MID1: variants seen among roughly 807,000 people sequenced by gnomAD.
MID1 encodes the protein E3 ubiquitin-protein ligase Midline-1.
Under a neutral mutation model 40.4 loss-of-function variants are expected in MID1, and 7 were observed. The ratio of observed to expected loss-of-function variants is 0.17; its 90% CI spans 0.10 to 0.33. The LOEUF (loss-of-function observed/expected upper bound fraction) is 0.33, where lower values mean the gene tolerates loss of function less well. MID1 is among the 10% of genes least tolerant of loss of function. MID1 has a pLI of 1.00. For missense variants in MID1, 367 were observed against 558.5 expected, an observed-to-expected ratio of 0.66 and a Z score of 3.46; for synonymous variants, 229 against 221.2, an observed-to-expected ratio of 1.04 and a Z score of -0.31.
At chrX:10,567,654 G>T in intron 1 of MID1, 51 bp from the exon 2 acceptor site, 2 of 884,194 alleles carry the variant, frequency 2.3e-6, no homozygotes, top group Non-Finnish European at 3.3e-6. Context: ...TCAACCATAG[G>T]GGGGTGTCAG....
chrX:10,814,587 G>C (rs1482531605), intron 1 of MID1, among the ~76,000 whole-genome samples: 1 of 108,830 alleles, frequency 9.2e-6, no homozygotes, highest in Non-Finnish European at 1.9e-5. Flanking sequence ...GTGTGTGTGT[G>C]TGTGTGTGTG....
At chrX:10,594,037 T>C (rs146665282) in intron 1 of MID1, among the ~76,000 whole-genome samples, 2 of 111,376 alleles carry the variant, frequency 1.8e-5, no homozygotes, top group Admixed American at 9.6e-5. Flanking sequence ...ATCAATAATG[T>C]CAGATTTAGC....
At chrX:10,819,357 T>C (rs2044159975) in intron 1 of MID1, among the ~76,000 whole-genome samples, 1 of 112,518 alleles carries the variant, frequency 8.9e-6, no homozygotes, top group Non-Finnish European at 1.9e-5. Flanking sequence ...CATACCCATC[T>C]ATTTGTAACT....
At chrX:10,579,819 A>G (rs979986867) in intron 1 of MID1, among the ~76,000 whole-genome samples, 4 of 108,064 alleles carry the variant, frequency 3.7e-5, no homozygotes, top group African/African-American at 1.4e-4. Context: ...TAAAGGCAAC[A>G]GAAAGAGGAG....
At chrX:10,604,891 C>T (rs1412657873) in intron 1 of MID1, among the ~76,000 whole-genome samples, 1 of 112,636 alleles carries the variant, frequency 8.9e-6, no homozygotes, top group African/African-American at 3.2e-5. Flanking sequence ...GTACAAGTTT[C>T]AAAGACTTAT....
chrX:10,481,541 G>A (rs1930325211), intron 5 of MID1, among the ~76,000 whole-genome samples: 1 of 112,006 alleles, frequency 8.9e-6, no homozygotes, highest in Admixed American at 9.4e-5. Context: ...CCAGGTTCAA[G>A]CAATTCTCCT....
intron 3 of MID1, among the ~76,000 whole-genome samples, chrX:10,497,966 G>C (rs1931345497): frequency 8.9e-6 from 1 of 112,523 alleles, no homozygotes; most frequent in African/African-American, 3.2e-5. Flanking sequence ...AGAAGAGACA[G>C]GGCAAAAATG....
At chrX:10,613,928 C>T (rs868784971) in intron 1 of MID1, among the ~76,000 whole-genome samples, 2 of 107,427 alleles carry the variant, frequency 1.9e-5, no homozygotes, top group Middle Eastern at 4.8e-3. Context: ...TTTCTAATGC[C>T]CTTTCTTCTT....
chrX:10,527,745 C>A (rs932484667), intron 2 of MID1, among the ~76,000 whole-genome samples: 2 of 111,663 alleles, frequency 1.8e-5, no homozygotes, highest in Non-Finnish European at 3.8e-5. Flanking sequence ...GCTTTTTCAC[C>A]TCCTGGGTGG....
chrX:10,594,534 G>A (rs1373758368), intron 1 of MID1, among the ~76,000 whole-genome samples: 3 of 111,511 alleles, frequency 2.7e-5, no homozygotes, highest in African/African-American at 6.5e-5. Context: ...TGTCACCACA[G>A]TGATTTCCAG....
chrX:10,587,824 C>G lies in MID1; in HGVS notation c.-56-20221G>C, dbSNP rs779758341. ...AAGCCAAATACCATTTTACATTTAA[C>G]AATGCTTTCTGTATGATTTTTATAC... is the stretch of plus-strand genomic sequence containing the variant. On this transcript the variant is annotated intron_variant, in intron 1 of 9. Transcript: ENST00000317552. 1.5e-3 allele frequency among the ~76,000 whole-genome samples: 163 copies of G among 110,695 alleles called. 1 individual carries two copies. The highest frequency in any genetic ancestry group is 2.5e-3 in the Non-Finnish European group (132 of 52,975).
chrX:10,607,989 T>C (rs1450389244), intron 1 of MID1, among the ~76,000 whole-genome samples: 2 of 112,630 alleles, frequency 1.8e-5, no homozygotes, highest in African/African-American at 6.5e-5. Context: ...CTGGGAGGTA[T>C]TGAACACACC....
At chrX:10,717,068 C>T (rs372395188) in intron 1 of MID1, among the ~76,000 whole-genome samples, 9 of 111,580 alleles carry the variant, frequency 8.1e-5, no homozygotes, top group Admixed American at 7.6e-4. Context: ...AAGGAAAAAC[C>T]GGTACCAGCC....
At chrX:10,638,724 C>A (rs1041462405) in intron 1 of MID1, among the ~76,000 whole-genome samples, 1 of 112,184 alleles carries the variant, frequency 8.9e-6, no homozygotes, top group African/African-American at 3.2e-5. Context: ...GGGTCCCTGA[C>A]CCCCAAGTAG....
intron 1 of MID1, among the ~76,000 whole-genome samples, chrX:10,582,202 A>AATG (rs1357279794): frequency 9.0e-6 from 1 of 111,286 alleles, no homozygotes; most frequent in African/African-American, 3.3e-5. Context: ...AATCTTTTAT[A>AATG]ATGGACTGCA....
At chrX:10,450,264 C>T (rs955696461) in intron 9 of MID1, among the ~76,000 whole-genome samples, 1 of 112,444 alleles carries the variant, frequency 8.9e-6, no homozygotes, top group Non-Finnish European at 1.9e-5. Context: ...CCCTAGACTT[C>T]TCCTTTTGAC....
chrX:10,515,532 C>T (rs987141314), intron 3 of MID1, among the ~76,000 whole-genome samples: 1 of 112,203 alleles, frequency 8.9e-6, no homozygotes, highest in Admixed American at 9.5e-5. Flanking sequence ...AGATTAAAAA[C>T]TTAGTGAGAA....
chrX:10,599,426 A>AT (rs1364325223), intron 1 of MID1, among the ~76,000 whole-genome samples: 1 of 112,458 alleles, frequency 8.9e-6, no homozygotes, highest in Non-Finnish European at 1.9e-5. Flanking sequence ...AAGAAAAGTG[A>AT]AAGTCTGAAT....
At chrX:10,778,217 C>A (rs752830855) in intron 1 of MID1, among the ~76,000 whole-genome samples, 1 of 111,065 alleles carries the variant, frequency 9.0e-6, no homozygotes, top group Non-Finnish European at 1.9e-5. Context: ...AGCATCACCC[C>A]AGACACGTGA....
Sources: gnomAD v4.1 joint callset for allele counts (sites outside exome capture counted in the v4.1 genomes callset) on GRCh38, gnomAD v4.1.1 for gene constraint, MANE v1.5 for transcripts, NCBI Gene and HGNC (gene_info 2026-07-23, HGNC 2026-07-21) for gene names.